Variants in LONP1 observed in about 807,000 individuals in gnomAD.
The protein encoded by LONP1 is lon protease homolog, mitochondrial.
LONP1 carries 31 observed loss-of-function variants against 98.5 expected under a neutral mutation model. The observed-to-expected ratio is 0.31, with a 90% confidence interval of 0.24 to 0.42. The LOEUF is 0.42. Among genes scored for constraint, LONP1 ranks in the 20% least tolerant of loss-of-function variants. The pLI, the probability that LONP1 is intolerant of heterozygous loss-of-function variation, is 1.00. For synonymous variants in LONP1, 781 were observed against 594.7 expected, an observed-to-expected ratio of 1.31 and a Z score of -4.56; for missense variants, 1,336 against 1,350.6, an observed-to-expected ratio of 0.99 and a Z score of 0.17.
chr19:5,697,806 G>A (rs550247268), intron 10 of LONP1, among the ~76,000 whole-genome samples: 5 of 152,002 alleles, frequency 3.3e-5, no homozygotes, highest in South Asian at 2.1e-4. Flanking sequence ...TGCCCTCCCC[G>A]CAGCCCCGCT....
At chr19:5,715,409 C>T (rs1306878671) in intron 1 of LONP1, among the ~76,000 whole-genome samples, 6 of 149,494 alleles carry the variant, frequency 4.0e-5, no homozygotes, top group Non-Finnish European at 7.4e-5. Flanking sequence ...TTTGGGAGGC[C>T]GAGGCGGGCA....
intron 1 of LONP1, chr19:5,717,308 T>G (rs147038541): frequency 2.0e-5 from 3 of 152,178 alleles, no homozygotes; most frequent in African/African-American, 7.2e-5. Flanking sequence ...CCCAAAGAAG[T>G]TGCCTCCCAA....
In LONP1 at chr19:5,693,609, C is replaced by T. The variant is rs149333067; in HGVS notation, c.2481G>A (p.Gln827=). Residue 827 remains glutamine, a synonymous_variant, in exon 16 of 18, where the codon CAG becomes CAA. Transcript: ENST00000360614. ...AYTFARAFLM[Q]HAPANDYLVT... ...CCAGGTAGTCATTGGCGGGGGCGTG[C>T]TGCATGAGGAAGGCTCTGGCGAAGG... The T allele has an allele frequency of 1.5e-4, 236 of 1,614,084 alleles. 1 individual carries two copies. The African/African-American group carries it at 2.9e-3, about 20-fold the overall frequency.
chr19:5,719,383 G>T (rs949230548), intron 1 of LONP1, among the ~76,000 whole-genome samples: 2 of 152,210 alleles, frequency 1.3e-5, no homozygotes, highest in Non-Finnish European at 2.9e-5. Flanking sequence ...TGCCAAGTAA[G>T]GAGAAAACTA....
intron 2 of LONP1, 85 bp from the exon 3 acceptor site, chr19:5,713,338 A>C: frequency 6.7e-7 from 1 of 1,498,550 alleles, no homozygotes; most frequent in Non-Finnish European, 9.2e-7. Context: ...GGAGGGAGAG[A>C]AAAGAAACGC....
upstream of LONP1, chr19:5,720,221 G>A (rs779511987): frequency 3.4e-4 from 471 of 1,381,668 alleles, no homozygotes; most frequent in Non-Finnish European, 4.1e-4. Context: ...CTCGGTACCC[G>A]ATGGGCGCGT....
In LONP1 at chr19:5,694,511, G is replaced by T. The variant is rs370448612; in HGVS notation, c.2196C>A (p.Ala732=). ...TCTCGGGCGTCACCTCCACGGACTC[G>T]GCCTCGCCGCTGACAATCTTGTAGG... The part of the protein sequence containing the change: ...KSAYKIVSGE[A]ESVEVTPENL... Residue 732 remains alanine, a synonymous_variant, in exon 15 of 18, where the codon GCC becomes GCA. Coordinates refer to ENST00000360614, the MANE Select transcript of LONP1 (RefSeq NM_004793.4). 1.2e-6 allele frequency: 2 copies of T among 1,613,158 alleles called. No individual in the cohort carries two copies. The highest frequency in any genetic ancestry group is 1.7e-6 in the Non-Finnish European group (2 of 1,179,998).
At chr19:5,696,957 T>C (rs1486966307) in intron 10 of LONP1, among the ~76,000 whole-genome samples, 200 bp from the exon 11 acceptor site, 1 of 152,138 alleles carries the variant, frequency 6.6e-6, no homozygotes, top group African/African-American at 2.4e-5. Context: ...ACTCGCCAGC[T>C]CAGATTCTGG....
intron 10 of LONP1, 39 bp downstream of exon 10, chr19:5,698,988 G>C: frequency 6.4e-7 from 1 of 1,569,564 alleles, no homozygotes; most frequent in Non-Finnish European, 8.7e-7. Flanking sequence ...CAGCACAGCT[G>C]AGGGGAGTGC....
At chr19:5,696,824 C>G in intron 10 of LONP1, 67 bp from the exon 11 acceptor site, 1 of 1,079,336 alleles carries the variant, frequency 9.3e-7, no homozygotes, top group Non-Finnish European at 1.4e-6. Flanking sequence ...CACCATGCAC[C>G]CTCCAGGGCC....
At position 5,692,022 on chromosome 19, in the gene LONP1, G is replaced by GGGGTGGCCGTCACCGTTC. The variant is rs1449139387; in HGVS notation, c.2872_*9dup. On this transcript the variant is annotated 3_prime_UTR_variant, in exon 18 of 18. Transcript: ENST00000360614. ...CCTGACATCCGCCGCCTGCAGTCCC[G>GGGGTGGCCGTCACCGTTC]GGGTGGCCGTCACCGTTCCACGGCC... 1.7e-6 allele frequency: 2 copies of GGGGTGGCCGTCACCGTTC among 1,148,090 alleles called. No homozygotes were observed. Among genetic ancestry groups the GGGGTGGCCGTCACCGTTC allele is most frequent in the Non-Finnish European group, 2.5e-6 (2 of 811,548 alleles). The allele number at this position is 1,148,090 out of a possible 1,614,324, so 71.1% of individuals were successfully genotyped here. A position where few individuals can be genotyped will look rare whatever the true frequency, so the allele number is the denominator to read the frequency against.
At chr19:5,719,626 G>A (rs999571007) in intron 1 of LONP1, 78 bp downstream of exon 1, 4 of 1,606,978 alleles carry the variant, frequency 2.5e-6, no homozygotes, top group African/African-American at 1.3e-5. Flanking sequence ...AAACACAAGG[G>A]CGCTCAAGTG....
At position 5,692,048 on chromosome 19, in the gene LONP1, A is replaced by G; in HGVS notation, c.2864T>C (p.Leu955Pro). 6.5e-7 allele frequency: 1 copy of G among 1,542,610 alleles called. No homozygotes were observed. The highest frequency in any genetic ancestry group is 2.3e-5 in the East Asian group (1 of 43,764). The part of the protein sequence containing the change: ...IAFPDEQAEA[L>P]AVER ...GGGTGGCCGTCACCGTTCCACGGCCAGCGCCTCTGCCTGCTCGTCCGGGAA... is the reference window on the plus strand; with the variant it reads ...GGGTGGCCGTCACCGTTCCACGGCCGGCGCCTCTGCCTGCTCGTCCGGGAA... Residue 955 changes from leucine (L) to proline (P), a missense_variant, in exon 18 of 18, where the codon CTG (leucine) becomes CCG (proline). Physicochemically the swap from Leu to Pro is moderately conservative, Grantham distance 98. Transcript: ENST00000360614.
At position 5,696,418 on chromosome 19, in the gene LONP1, A is replaced by AGCCC. The variant is rs772227505; in HGVS notation, c.1774-51_1774-48dup. On this transcript the variant is annotated intron_variant, in intron 11 of 17. Transcript: ENST00000360614. Reference sequence around the variant, plus strand: ...GGTGCCCCTCGCCGTGCCCCTGGCCAGCCCGCCCAGTGGGGAGACCCCAGG... The same window carrying AGCCC: ...GGTGCCCCTCGCCGTGCCCCTGGCCAGCCCGCCCGCCCAGTGGGGAGACCCCAGG... The AGCCC allele has an allele frequency of 9.4e-6, 15 of 1,597,826 alleles. No homozygotes were observed. In the African/African-American group the frequency reaches 2.0e-4, roughly 21 times the overall value.
At chr19:5,705,081 C>G (rs1454321123) in intron 8 of LONP1, among the ~76,000 whole-genome samples, 2 of 151,912 alleles carry the variant, frequency 1.3e-5, no homozygotes, top group East Asian at 3.9e-4. Flanking sequence ...AGAATCGTTT[C>G]AACCTGGGAG....
intron 1 of LONP1, among the ~76,000 whole-genome samples, chr19:5,715,660 A>T (rs2055306380): frequency 8.7e-6 from 1 of 114,918 alleles, no homozygotes; most frequent in Non-Finnish European, 1.9e-5. Context: ...AAAAAAAAAA[A>T]AAAAAAAAAA....
chr19:5,697,896 C>A (rs1196352009), intron 10 of LONP1, among the ~76,000 whole-genome samples: 2 of 152,086 alleles, frequency 1.3e-5, no homozygotes, highest in Non-Finnish European at 2.9e-5. Flanking sequence ...CGGCCCGCAC[C>A]TCCAGCCATC....
At position 5,691,949 on chromosome 19, in the gene LONP1, C is replaced by T. The variant is rs750963632; in HGVS notation, c.*83G>A. On this transcript the variant is annotated 3_prime_UTR_variant, in exon 18 of 18. Transcript: ENST00000360614. ...GCTGCTCGCTCGGTGGCTCCACTGC[C>T]AGGTCCGGGCGCGCTCCCCACAGCG... 31 of 913,656 alleles carry T rather than the reference C, an allele frequency of 3.4e-5. No individual in the cohort carries two copies. Among genetic ancestry groups the T allele is most frequent in the South Asian group, 7.4e-5 (4 of 54,102 alleles). The allele number at this position is 913,656 out of a possible 1,614,324, so 56.6% of individuals were successfully genotyped here.
chr19:5,720,121 G>A lies in LONP1; in HGVS notation c.12C>T (p.Ser4=), dbSNP rs2055415537. ...CTCCCCACAGTCGCACGTAGCCAGTGCTCGCCGCCATAGCCCGGCCATACT... is the reference window on the plus strand; with the variant it reads ...CTCCCCACAGTCGCACGTAGCCAGTACTCGCCGCCATAGCCCGGCCATACT... MAA[S]TGYVRLWGAA... Residue 4 remains serine (S), a synonymous_variant, in exon 1 of 18, where the codon AGC becomes AGT. Coordinates refer to ENST00000360614, the MANE Select transcript of LONP1 (RefSeq NM_004793.4). 1 of 1,429,024 alleles carries A rather than the reference G, an allele frequency of 7.0e-7. No individual in the cohort carries two copies. 88.5% of individuals were successfully genotyped at this position (1,429,024 alleles called of 1,614,324 possible). A position where few individuals can be genotyped will look rare whatever the true frequency, so the allele number is the denominator to read the frequency against.
Sources: gnomAD v4.1 joint callset for allele counts (sites outside exome capture counted in the v4.1 genomes callset) on GRCh38, gnomAD v4.1.1 for gene constraint, MANE v1.5 for transcripts, NCBI Gene and HGNC (gene_info 2026-07-23, HGNC 2026-07-21) for gene names.